Variants in CLRN1 observed in about 807,000 individuals in gnomAD.
CLRN1 encodes clarin 1, also known as clarin-1.
A neutral mutation model predicts 18.7 loss-of-function variants in CLRN1; 15 were observed. That is an observed-to-expected ratio of 0.80 (90% confidence interval 0.54 to 1.23). CLRN1 has a LOEUF of 1.23. CLRN1 is among the 50% of genes most tolerant of loss of function. The pLI is 0.00. For missense variants in CLRN1, 311 were observed against 277.5 expected, an observed-to-expected ratio of 1.12 and a Z score of -0.86; for synonymous variants, 104 against 102.9, an observed-to-expected ratio of 1.01 and a Z score of -0.07.
intron 1 of CLRN1, among the ~76,000 whole-genome samples, chr3:150,969,494 T>G (rs1315720236): frequency 6.6e-6 from 1 of 150,994 alleles, no homozygotes; most frequent in Non-Finnish European, 1.5e-5. Flanking sequence ...CCCGGCTAAT[T>G]TTTTGTATTT....
At chr3:150,948,505 AAAAAG>A (rs1714306162) in intron 1 of CLRN1, among the ~76,000 whole-genome samples, 1 of 149,522 alleles carries the variant, frequency 6.7e-6, no homozygotes, top group Non-Finnish European at 1.5e-5. Context: ...AAAAAAAAAA[AAAAAG>A]AAATGATGAA....
At chr3:150,949,094 CTAAAGA>C (rs926371865) in intron 1 of CLRN1, among the ~76,000 whole-genome samples, 8 of 152,136 alleles carry the variant, frequency 5.3e-5, no homozygotes, top group African/African-American at 1.4e-4. Flanking sequence ...ATAAACAGAA[CTAAAGA>C]CAAAAGCCAC....
intron 1 of CLRN1, among the ~76,000 whole-genome samples, chr3:150,968,780 C>A (rs929759208): frequency 2.6e-5 from 4 of 152,136 alleles, no homozygotes; most frequent in African/African-American, 9.7e-5. Flanking sequence ...CAGAGCAAAT[C>A]CCCATCTAAA....
chr3:150,972,390 A>G, intron 1 of CLRN1, 66 bp downstream of exon 1: 3 of 1,610,626 alleles, frequency 1.9e-6, no homozygotes, highest in Non-Finnish European at 2.5e-6. Context: ...CTCAAATATA[A>G]TTCCTCGCAA....
intron 1 of CLRN1, among the ~76,000 whole-genome samples, chr3:150,957,462 T>A (rs1714800505): frequency 6.6e-6 from 1 of 152,190 alleles, no homozygotes; most frequent in Admixed American, 6.5e-5. Context: ...GTTCTGGCTG[T>A]AATATTCAAA....
chr3:150,937,728 G>A (rs1314557931), intron 2 of CLRN1, among the ~76,000 whole-genome samples: 3 of 152,156 alleles, frequency 2.0e-5, no homozygotes, highest in Non-Finnish European at 4.4e-5. Flanking sequence ...TGAGGAATAC[G>A]AGCTAAACTG....
In CLRN1 at chr3:150,926,655, T is replaced by G. The variant is rs1712808676; in HGVS notation, c.*1281A>C. On this transcript the variant is annotated 3_prime_UTR_variant, in exon 3 of 3. Coordinates refer to ENST00000327047, the MANE Select transcript of CLRN1 (RefSeq NM_174878.3). The stretch of plus-strand genomic sequence containing the variant: ...GTTATTTCTCAGGTATACGGTTGTT[T>G]CATCCTTGTAAATAGTTCCAAAGGG... 5.6e-6 allele frequency: 5 copies of G among 900,786 alleles called. No homozygotes were observed. In the East Asian group the frequency reaches 1.3e-4, roughly 24 times the overall value. 55.8% of individuals were successfully genotyped at this position (900,786 alleles called of 1,614,324 possible). A position where few individuals can be genotyped will look rare whatever the true frequency, so the allele number is the denominator to read the frequency against.
rs1194161243 is a variant in CLRN1 at position 150,926,883 on chromosome 3, A to G, written c.*1053T>C. On this transcript the variant is annotated 3_prime_UTR_variant, in exon 3 of 3. Coordinates refer to ENST00000327047, the MANE Select transcript of CLRN1 (RefSeq NM_174878.3). ...GTGGCCTTTAGTCAGCTGCAGATCA[A>G]TTTGATGGGTAATTCAGGGGAAAAA... 5 of 1,614,132 alleles carry G rather than the reference A, an allele frequency of 3.1e-6. No individual in the cohort carries two copies. The highest frequency in any genetic ancestry group is 1.7e-5 in the Admixed American group (1 of 60,006).
chr3:150,934,006 T>A (rs1003731657), intron 2 of CLRN1, among the ~76,000 whole-genome samples: 1 of 152,186 alleles, frequency 6.6e-6, no homozygotes, highest in African/African-American at 2.4e-5. Context: ...TTATTCTTCC[T>A]CAGGCTCTGC....
In CLRN1 at chr3:150,927,926, G is replaced by A. The variant is rs1712910408; in HGVS notation, c.*10C>T. On this transcript the variant is annotated 3_prime_UTR_variant, in exon 3 of 3. Transcript: ENST00000327047. ...CTACTCCCTTGTAAAATTATAGAAA[G>A]GTTTGCCTTTCAGTACATTAGATCT... The A allele has an allele frequency of 6.2e-7, 1 of 1,613,968 alleles. No individual in the cohort carries two copies. The highest frequency in any genetic ancestry group is 2.2e-5 in the East Asian group (1 of 44,858).
At chr3:150,936,474 G>T (rs1296984730) in intron 2 of CLRN1, among the ~76,000 whole-genome samples, 1 of 151,978 alleles carries the variant, frequency 6.6e-6, no homozygotes. Context: ...GCCCTAAACT[G>T]CAAGCCTGCT....
At chr3:150,937,986 C>T (rs1713593923) in intron 2 of CLRN1, among the ~76,000 whole-genome samples, 1 of 152,164 alleles carries the variant, frequency 6.6e-6, no homozygotes, top group South Asian at 2.1e-4. Flanking sequence ...CTTCCCTTCC[C>T]TTTCCCCTTT....
At chr3:150,957,693 C>T (rs1377772308) in intron 1 of CLRN1, among the ~76,000 whole-genome samples, 1 of 152,134 alleles carries the variant, frequency 6.6e-6, no homozygotes, top group Non-Finnish European at 1.5e-5. Flanking sequence ...GAGTCTCGCT[C>T]TGTCGCCCAG....
At chr3:150,937,408 A>T (rs1404858514) in intron 2 of CLRN1, among the ~76,000 whole-genome samples, 1 of 152,212 alleles carries the variant, frequency 6.6e-6, no homozygotes, top group Non-Finnish European at 1.5e-5. Flanking sequence ...AGCACTGGCT[A>T]CAAATTAGAA....
chr3:150,930,517 G>A (rs1206081260), intron 2 of CLRN1, among the ~76,000 whole-genome samples: 1 of 152,072 alleles, frequency 6.6e-6, no homozygotes, highest in Non-Finnish European at 1.5e-5. Context: ...TGGTAGCTGA[G>A]AATATTCCTT....
chr3:150,946,549 C>T (rs1000453579), intron 1 of CLRN1, among the ~76,000 whole-genome samples: 3 of 107,160 alleles, frequency 2.8e-5, no homozygotes, highest in African/African-American at 5.7e-5. Flanking sequence ...TCAATGAATA[C>T]AAAAATACTT....
At chr3:150,932,930 G>A (rs1301374479) in intron 2 of CLRN1, among the ~76,000 whole-genome samples, 2 of 152,190 alleles carry the variant, frequency 1.3e-5, no homozygotes, top group African/African-American at 4.8e-5. Context: ...ATTGGGTCTA[G>A]CCTTTTCACT....
At chr3:150,952,847 T>G (rs1354599497) in intron 1 of CLRN1, among the ~76,000 whole-genome samples, 2 of 152,234 alleles carry the variant, frequency 1.3e-5, no homozygotes, top group African/African-American at 2.4e-5. Flanking sequence ...AGTTTAATTC[T>G]TATGAAATCT....
Position 150,941,587 on chromosome 3 carries a change from A to C in CLRN1, c.428T>G (p.Ile143Ser), listed in dbSNP as rs1249349153. 5.6e-6 allele frequency: 9 copies of C among 1,613,882 alleles called. No individual in the cohort carries two copies. In the South Asian group the frequency reaches 7.7e-5, roughly 14 times the overall value. ...AGGTAGAATTTTGTACTTACCTGAAATGAAGCTCAAAAGGTACAGCCCTAG... is the reference window on the plus strand; with the variant it reads ...AGGTAGAATTTTGTACTTACCTGAACTGAAGCTCAAAAGGTACAGCCCTAG... ...GPLGLYLLSF[I>S]SGSCGCLVMI... The change falls in exon 2 of 3, where the codon ATT (isoleucine) becomes AGT (serine). Residue 143 changes from isoleucine (I) to serine (S), a missense_variant. Coordinates refer to ENST00000327047, the MANE Select transcript of CLRN1 (RefSeq NM_174878.3).
Sources: gnomAD v4.1 joint callset for allele counts (sites outside exome capture counted in the v4.1 genomes callset) on GRCh38, gnomAD v4.1.1 for gene constraint, MANE v1.5 for transcripts, NCBI Gene and HGNC (gene_info 2026-07-23, HGNC 2026-07-21) for gene names.